The following NHERF2 variants were observed in gnomAD, a reference collection of about 807,000 sequenced individuals.
The protein encoded by NHERF2 is Na(+)/H(+) exchange regulatory cofactor NHE-RF2.
chr16:2,037,651 T>C, the NHERF2 span: 1 of 1,592,120 alleles, frequency 6.3e-7, no homozygotes, highest in Non-Finnish European at 8.6e-7. Flanking sequence ...CTAGAGGCCT[T>C]GGGGTAGGCG....
the NHERF2 span, among the ~76,000 whole-genome samples, chr16:2,032,530 G>A: frequency 6.6e-6 from 1 of 152,236 alleles, no homozygotes; most frequent in Non-Finnish European, 1.5e-5. This position sits in a 1 kb window ranked among gnomAD's most constrained non-coding sequence, Gnocchi z 4.0. Context: ...GCTCTGGAAG[G>A]GATGTGTGTA....
chr16:2,030,591 T>C, the NHERF2 span, among the ~76,000 whole-genome samples: 1 of 150,620 alleles, frequency 6.6e-6, no homozygotes, highest in East Asian at 1.9e-4. Flanking sequence ...GAGGCCCTGA[T>C]GGCATTATCT....
chr16:2,030,196 C>T, the NHERF2 span, among the ~76,000 whole-genome samples: 1 of 152,234 alleles, frequency 6.6e-6, no homozygotes, highest in East Asian at 1.9e-4. Flanking sequence ...TTGAAGGCGC[C>T]TGCATGCTGG....
At chr16:2,029,491 G>C in the NHERF2 span, 3 of 1,247,706 alleles carry the variant, frequency 2.4e-6, no homozygotes, top group South Asian at 4.0e-5. Context: ...CCGCCTGTCC[G>C]CACGCCTGGG....
chr16:2,027,754 C>T, the NHERF2 span, among the ~76,000 whole-genome samples: 1 of 152,128 alleles, frequency 6.6e-6, no homozygotes, highest in Admixed American at 6.5e-5. Context: ...GTGTGCAGGT[C>T]TGGACTCCTG....
At chr16:2,036,308 T>C in the NHERF2 span, 3 of 1,596,294 alleles carry the variant, frequency 1.9e-6, no homozygotes, top group Non-Finnish European at 2.6e-6. Flanking sequence ...ACTGACCCTG[T>C]CCGTTGGGCC....
At chr16:2,029,691 C>G in the NHERF2 span, 21 of 1,559,682 alleles carry the variant, frequency 1.3e-5, no homozygotes, top group Admixed American at 4.0e-4. Context: ...GAGGAGATGG[C>G]CCAGCGAGGG....
the NHERF2 span, among the ~76,000 whole-genome samples, chr16:2,028,328 A>G: frequency 6.6e-6 from 1 of 152,322 alleles, no homozygotes; most frequent in African/African-American, 2.4e-5. Context: ...TGTGGGGATC[A>G]GGCCAGGGGC....
At chr16:2,038,604 G>A in the NHERF2 span, 1 of 297,288 alleles carries the variant, frequency 3.4e-6, no homozygotes, top group Non-Finnish European at 6.4e-6. Context: ...AGGCCAGGGA[G>A]GCCTGATGTG....
chr16:2,026,930 C>G, the NHERF2 span: 103,000 of 504,210 alleles, frequency 0.2, 11,637 homozygotes, highest in Non-Finnish European at 0.23. Flanking sequence ...AAGCCACCGC[C>G]GGGTGCCCAG....
At chr16:2,038,074 C>T in the NHERF2 span, 1 of 1,487,142 alleles carries the variant, frequency 6.7e-7, no homozygotes. Flanking sequence ...CCTCAGTGGA[C>T]TGGAGGGTGG....
At chr16:2,027,227 C>T in the NHERF2 span, 1 of 1,299,292 alleles carries the variant, frequency 7.7e-7, no homozygotes, top group East Asian at 3.2e-5. Flanking sequence ...AGGTGGGGGC[C>T]AGCGCTCGCC....
the NHERF2 span, among the ~76,000 whole-genome samples, chr16:2,033,646 G>A: frequency 6.6e-6 from 1 of 152,218 alleles, no homozygotes; most frequent in Admixed American, 6.5e-5. Flanking sequence ...AGGCATGGCT[G>A]GGGGACCAGG....
chr16:2,034,134 G>A, the NHERF2 span, among the ~76,000 whole-genome samples: 2 of 152,196 alleles, frequency 1.3e-5, no homozygotes, highest in African/African-American at 4.8e-5. Flanking sequence ...CTGTGCAGGC[G>A]TGGGAAGGGC....
chr16:2,029,495 G>GC, the NHERF2 span: 1 of 1,298,106 alleles, frequency 7.7e-7, no homozygotes, highest in African/African-American at 1.5e-5. Flanking sequence ...CTGTCCGCAC[G>GC]CCTGGGCCAG....
the NHERF2 span, among the ~76,000 whole-genome samples, chr16:2,031,850 CCTGA>C: frequency 1.3e-5 from 2 of 152,156 alleles, no homozygotes; most frequent in Non-Finnish European, 2.9e-5. Flanking sequence ...CACCACCACA[CCTGA>C]CTAATTTTTG....
the NHERF2 span, chr16:2,036,306 T>C: frequency 1.5e-4 from 243 of 1,594,762 alleles, no homozygotes; most frequent in Non-Finnish European, 2.0e-4. Context: ...AGACTGACCC[T>C]GTCCGTTGGG....
chr16:2,036,825 A>G, the NHERF2 span: 2 of 1,613,096 alleles, frequency 1.2e-6, no homozygotes, highest in Admixed American at 1.7e-5. Flanking sequence ...GTGGACCCCG[A>G]GACAGATGAA....
At chr16:2,038,676 C>T in the NHERF2 span, 3 of 255,240 alleles carry the variant, frequency 1.2e-5, no homozygotes, top group Non-Finnish European at 1.5e-5. Flanking sequence ...ACACCCTGCT[C>T]CCCACCCAGC....
Sources: gnomAD v4.1 joint callset for allele counts (sites outside exome capture counted in the v4.1 genomes callset) on GRCh38, gnomAD v4.1.1 for gene constraint, Gnocchi (gnomAD v3.1) non-coding constraint, MANE v1.5 for transcripts, NCBI Gene and HGNC (gene_info 2026-07-23, HGNC 2026-07-21) for gene names.